PRPF3: variants seen among roughly 807,000 people sequenced by gnomAD.
The protein encoded by PRPF3 is pre-mRNA processing factor 3.
In PRPF3, 3 loss-of-function variants were observed where a neutral mutation model predicts 89.2. The ratio of observed to expected loss-of-function variants is 0.03; its 90% CI spans 0.02 to 0.09. The LOEUF (loss-of-function observed/expected upper bound fraction) is 0.09. Ranked by LOEUF, PRPF3 falls within the 10% of genes least tolerant of loss-of-function variation. The pLI is 1.00. For missense variants in PRPF3, 463 were observed against 828.8 expected, an observed-to-expected ratio of 0.56 and a Z score of 5.42; for synonymous variants, 270 against 289.1, an observed-to-expected ratio of 0.93 and a Z score of 0.67.
intron 3 of PRPF3, chr1:150,328,098 T>G: frequency 1.8e-6 from 1 of 549,448 alleles, no homozygotes; most frequent in Non-Finnish European, 3.3e-6. Flanking sequence ...TGGGAACATT[T>G]ATAAGAACAT....
intron 4 of PRPF3, among the ~76,000 whole-genome samples, 179 bp downstream of exon 4, chr1:150,328,645 C>T (rs781880055): frequency 2.7e-5 from 4 of 148,914 alleles, no homozygotes; most frequent in African/African-American, 5.0e-5. Context: ...CTCCGCCTCC[C>T]GGGTTCAAGC....
At position 150,335,933 on chromosome 1, in the gene PRPF3, G is replaced by A. The variant is rs996519687; in HGVS notation, c.1035+692G>A. On this transcript the variant is annotated intron_variant, in intron 7 of 15. Coordinates refer to ENST00000324862, the MANE Select transcript of PRPF3 (RefSeq NM_004698.4). ...GCAGGCATGCGCCGCCATGCCTGAC[G>A]AATTTTTTGTATTTTTAGTAGAGAC... 2.8e-4 allele frequency among the ~76,000 whole-genome samples: 42 copies of A among 151,886 alleles called. 1 individual carries two copies. Among genetic ancestry groups the A allele is most frequent in the Admixed American group, 1.8e-3 (27 of 15,218 alleles).
chr1:150,328,613 C>T (rs1034460905), intron 4 of PRPF3, 147 bp downstream of exon 4: 25 of 864,092 alleles, frequency 2.9e-5, no homozygotes, highest in Admixed American at 1.3e-4. Flanking sequence ...AATACAGTGG[C>T]GCGATCTCAG....
At chr1:150,331,150 G>A (rs1484880380) in intron 4 of PRPF3, among the ~76,000 whole-genome samples, 7 of 152,178 alleles carry the variant, frequency 4.6e-5, no homozygotes, top group Admixed American at 1.3e-4. Flanking sequence ...CAGTTCTCCT[G>A]CCTCAGCCTC....
At chr1:150,341,425 G>GTTTT in intron 9 of PRPF3, among the ~76,000 whole-genome samples, 1 of 90,756 alleles carries the variant, frequency 1.1e-5, no homozygotes, top group Non-Finnish European at 2.3e-5. Flanking sequence ...TTTTTTTTGA[G>GTTTT]GAGGAGTTTC....
intron 8 of PRPF3, among the ~76,000 whole-genome samples, chr1:150,339,252 G>A (rs941522787): frequency 4.6e-5 from 7 of 151,136 alleles, no homozygotes; most frequent in African/African-American, 1.7e-4. Context: ...GCTTGTGCCT[G>A]TAGTCCTGGC....
At chr1:150,327,820 CT>C in intron 3 of PRPF3, 1 of 188,656 alleles carries the variant, frequency 5.3e-6, no homozygotes, top group Non-Finnish European at 1.0e-5. Context: ...CCTGGAAGAG[CT>C]TAGACTTAGT....
chr1:150,331,616 C>T (rs1256755497), intron 4 of PRPF3, among the ~76,000 whole-genome samples: 1 of 152,122 alleles, frequency 6.6e-6, no homozygotes, highest in Non-Finnish European at 1.5e-5. Context: ...TCGCCCACCT[C>T]AGCCTCTCAA....
chr1:150,325,162 C>G (rs1553863399), intron 2 of PRPF3, 75 bp downstream of exon 2: 3 of 1,554,286 alleles, frequency 1.9e-6, no homozygotes, highest in Admixed American at 3.5e-5. Context: ...CCTCAAAATT[C>G]TCTCTGTTGG....
chr1:150,323,173 C>CATTTTT (rs1655276266), intron 1 of PRPF3, among the ~76,000 whole-genome samples: 1 of 48,270 alleles, frequency 2.1e-5, no homozygotes, highest in Non-Finnish European at 3.3e-5. Flanking sequence ...CCGCACCTGG[C>CATTTTT]TTTTTTTTTT....
At chr1:150,333,944 T>C (rs1362270724) in intron 6 of PRPF3, among the ~76,000 whole-genome samples, 1 of 152,190 alleles carries the variant, frequency 6.6e-6, no homozygotes, top group Non-Finnish European at 1.5e-5. Flanking sequence ...TATAAATTCA[T>C]ATAATTTATA....
intron 6 of PRPF3, among the ~76,000 whole-genome samples, chr1:150,333,656 A>G (rs1201944586): frequency 6.6e-6 from 1 of 152,178 alleles, no homozygotes; most frequent in Non-Finnish European, 1.5e-5. Context: ...TTGATTAACC[A>G]GTTGAATTTT....
At chr1:150,343,284 G>A (rs1398518372) in intron 9 of PRPF3, 25 bp from the exon 10 acceptor site, 3 of 1,569,914 alleles carry the variant, frequency 1.9e-6, no homozygotes, top group African/African-American at 1.4e-5. Flanking sequence ...TACTGCTTTG[G>A]TATACTAATA....
At chr1:150,333,291 G>A in intron 6 of PRPF3, 92 bp downstream of exon 6, 1 of 1,377,862 alleles carries the variant, frequency 7.3e-7, no homozygotes, top group Non-Finnish European at 1.0e-6. Context: ...TGGGCGCAGT[G>A]CCTCAGGCCT....
chr1:150,333,222 AC>A (rs1323813698), intron 6 of PRPF3, 23 bp downstream of exon 6: 3 of 1,609,108 alleles, frequency 1.9e-6, no homozygotes, highest in Middle Eastern at 1.7e-4. Context: ...TTCATGGAAT[AC>A]CTTTTCATTT....
chr1:150,344,319 G>T, intron 11 of PRPF3, 58 bp downstream of exon 11: 1 of 1,613,464 alleles, frequency 6.2e-7, no homozygotes, highest in Admixed American at 1.7e-5. Context: ...AAACTCTTCT[G>T]GGGGGTCCAT....
intron 6 of PRPF3, 58 bp from the exon 7 acceptor site, chr1:150,334,876 GT>G (rs1202536288): frequency 3.8e-6 from 6 of 1,599,550 alleles, no homozygotes; most frequent in Middle Eastern, 1.7e-4. Context: ...GCTTTATTTT[GT>G]TTTTTGCTTG....
chr1:150,325,743 C>T lies in PRPF3; in HGVS notation c.146-8C>T, dbSNP rs1553863578. Reference sequence around the variant, plus strand: ...TTCCAACCCTACCACCGCCTTTCTTCCTGTCAGATCATCTGAAACCTTTTC... The same window carrying T: ...TTCCAACCCTACCACCGCCTTTCTTTCTGTCAGATCATCTGAAACCTTTTC... On this transcript the variant is annotated splice_polypyrimidine_tract_variant and splice_region_variant and intron_variant, in intron 2 of 15. Coordinates refer to ENST00000324862, the MANE Select transcript of PRPF3 (RefSeq NM_004698.4). 5 of 1,611,700 alleles carry T rather than the reference C, an allele frequency of 3.1e-6. No homozygotes were observed. Among genetic ancestry groups the T allele is most frequent in the South Asian group, 1.1e-5 (1 of 90,874 alleles).
intron 10 of PRPF3, 57 bp downstream of exon 10, chr1:150,343,509 C>T: frequency 1.9e-6 from 3 of 1,590,544 alleles, no homozygotes; most frequent in Non-Finnish European, 2.6e-6. Context: ...TGTCTTTAAT[C>T]CTGGAGGAAC....
Sources: allele counts gnomAD v4.1 joint callset (sites outside exome capture counted in the v4.1 genomes callset), GRCh38; gene constraint gnomAD v4.1.1; transcripts MANE v1.5; gene names NCBI Gene and HGNC (gene_info 2026-07-23, HGNC 2026-07-21).